UQCRC1: variants seen among roughly 807,000 people sequenced by gnomAD.
The protein encoded by UQCRC1 is ubiquinol-cytochrome c reductase core protein 1.
In UQCRC1, 34 loss-of-function variants were observed where a neutral mutation model predicts 58.0. The ratio of observed to expected loss-of-function variants is 0.59; its 90% CI spans 0.45 to 0.78. UQCRC1 has a LOEUF of 0.78. UQCRC1 is among the 30% of genes least tolerant of loss of function. UQCRC1 has a pLI of 0.00. For missense variants in UQCRC1, 610 were observed against 646.0 expected, an observed-to-expected ratio of 0.94 and a Z score of 0.60; for synonymous variants, 276 against 248.8, an observed-to-expected ratio of 1.11 and a Z score of -1.03.
chr3:48,604,195 G>A (rs1415211179), intron 5 of UQCRC1, 38 bp downstream of exon 5: 1 of 1,607,104 alleles, frequency 6.2e-7, no homozygotes, highest in Non-Finnish European at 8.5e-7. Context: ...AGGCCAGAAT[G>A]GAGCAAGCAT....
Position 48,609,592 on chromosome 3 carries a change from G to C in UQCRC1, c.29C>G (p.Ala10Gly), listed in dbSNP as rs767043424. The C allele has an allele frequency of 1.3e-6, 2 of 1,571,206 alleles. No homozygotes were observed. Among genetic ancestry groups the C allele is most frequent in the South Asian group, 2.3e-5 (2 of 87,110 alleles). Residue 10 changes from alanine to glycine, a missense_variant, in exon 1 of 13, where the codon GCT (alanine) becomes GGT (glycine). Coordinates refer to ENST00000203407, the MANE Select transcript of UQCRC1 (RefSeq NM_003365.3). The stretch of plus-strand genomic sequence containing the variant: ...CAATAGCACTTGTGCCCCGGCGGTA[G>C]CGGCCCGACAGACCACGGACGCCGC... Reference protein sequence around the residue: MAASVVCRAATAGAQVLLRA... With the variant: MAASVVCRAGTAGAQVLLRA...
rs199789478 is a variant in UQCRC1 at position 48,609,532 on chromosome 3, C to T, written c.69+20G>A. 1.3e-6 allele frequency: 2 copies of T among 1,556,926 alleles called. No individual in the cohort carries two copies. The highest frequency in any genetic ancestry group is 3.7e-5 in the Admixed American group (2 of 54,524). ...CCCGAAGCCCTGTCCCGAAGCCCCG[C>T]GCTCTCGCCACCACCTCACCGAGCG... is the stretch of plus-strand genomic sequence containing the variant. On this transcript the variant is annotated intron_variant, in intron 1 of 12. Coordinates refer to ENST00000203407, the MANE Select transcript of UQCRC1 (RefSeq NM_003365.3).
rs1450968488 is a variant in UQCRC1, at chr3:48,609,293, G to A, written c.79C>T (p.Leu27=). 2 of 1,608,694 alleles carry A rather than the reference G, an allele frequency of 1.2e-6. No individual in the cohort carries two copies. Among genetic ancestry groups the A allele is most frequent in the East Asian group, 4.5e-5 (2 of 44,804 alleles). ...GTACTCCGCAAGGCTGGCGTCCGCA[G>A]CAGGGCCGGCTGTGGAAGGGAACAG... The part of the protein sequence containing the change: ...LLRARRSPAL[L]RTPALRSTAT... Residue 27 remains leucine, a synonymous_variant, in exon 2 of 13, where the codon CTG becomes TTG. Coordinates refer to ENST00000203407, the MANE Select transcript of UQCRC1 (RefSeq NM_003365.3).
At chr3:48,605,995 C>CAG in intron 2 of UQCRC1, 139 bp from the exon 3 acceptor site, 1 of 755,660 alleles carries the variant, frequency 1.3e-6, no homozygotes, top group Non-Finnish European at 2.1e-6. Context: ...CCCAGCAGGA[C>CAG]CCCTGTGCTT....
Position 48,604,484 on chromosome 3 carries a change from G to A in UQCRC1, c.428-53C>T, listed in dbSNP as rs41290696. 11,964 of 1,599,930 alleles carry A rather than the reference G, an allele frequency of 7.5e-3. 61 individuals carry two copies. Among genetic ancestry groups the A allele is most frequent in the Non-Finnish European group, 9.1e-3 (10,642 of 1,170,694 alleles). ...GCCAGGTGGACCACTGCAGACCAAC[G>A]ACAGCACAAAATCCCCAGGCCTGGC... On this transcript the variant is annotated intron_variant, in intron 4 of 12. Coordinates refer to ENST00000203407, the MANE Select transcript of UQCRC1 (RefSeq NM_003365.3).
At chr3:48,605,197 A>G (rs2046400222) in intron 3 of UQCRC1, among the ~76,000 whole-genome samples, 1 of 152,210 alleles carries the variant, frequency 6.6e-6, no homozygotes, top group African/African-American at 2.4e-5. Context: ...TTGTGAATAC[A>G]TGCTAGTGGC....
intron 12 of UQCRC1, 57 bp downstream of exon 12, chr3:48,599,578 A>T: frequency 6.3e-7 from 1 of 1,583,618 alleles, no homozygotes; most frequent in Non-Finnish European, 8.7e-7. Flanking sequence ...GTGGAAGGGG[A>T]GGCCAAGAGA....
At chr3:48,601,519 G>A in intron 6 of UQCRC1, 52 bp from the exon 7 acceptor site, 2 of 1,562,428 alleles carry the variant, frequency 1.3e-6, no homozygotes, top group Non-Finnish European at 8.8e-7. Context: ...AAGGCACAGG[G>A]TGGGGCGATT....
intron 3 of UQCRC1, 127 bp from the exon 4 acceptor site, chr3:48,604,907 C>A: frequency 7.5e-7 from 1 of 1,338,046 alleles, no homozygotes; most frequent in Admixed American, 2.2e-5. Flanking sequence ...ACTCTGGGGA[C>A]ACAGATCCCA....
At position 48,601,132 on chromosome 3, in the gene UQCRC1, T is replaced by G. The variant is rs756010041; in HGVS notation, c.823-14A>C. 6.3e-7 allele frequency: 1 copy of G among 1,590,444 alleles called. No homozygotes were observed. The highest frequency in any genetic ancestry group is 1.7e-5 in the Admixed American group (1 of 58,724). Reference sequence around the variant, plus strand: ...ACGGTGGCGGATCTGAAACAGTACATGACAAGGCTGAGGAACAGCCAGACT... The same window carrying G: ...ACGGTGGCGGATCTGAAACAGTACAGGACAAGGCTGAGGAACAGCCAGACT... On this transcript the variant is annotated splice_polypyrimidine_tract_variant and intron_variant, in intron 7 of 12. Coordinates refer to ENST00000203407, the MANE Select transcript of UQCRC1 (RefSeq NM_003365.3).
chr3:48,605,796 A>G lies in UQCRC1; in HGVS notation c.271T>C (p.Tyr91His). The G allele has an allele frequency of 1.2e-6, 2 of 1,614,024 alleles. No homozygotes were observed. The highest frequency in any genetic ancestry group is 1.7e-6 in the Non-Finnish European group (2 of 1,179,960). ...TTGAAAGCCAGATGCTCCAAAAAGT[A>G]GCCTGCCCCATTATTCTTCTCAGTC... ...FETEKNNGAG[Y>H]FLEHLAFKGT... is the part of the protein sequence containing the mutation. Residue 91 changes from tyrosine (Y) to histidine (H), a missense_variant, in exon 3 of 13, where the codon TAC becomes CAC. Coordinates refer to ENST00000203407, the MANE Select transcript of UQCRC1 (RefSeq NM_003365.3).
intron 1 of UQCRC1, 32 bp from the exon 2 acceptor site, chr3:48,609,334 C>G: frequency 6.3e-7 from 1 of 1,588,494 alleles, no homozygotes; most frequent in Non-Finnish European, 8.6e-7. Flanking sequence ...AGTGAGGACT[C>G]GGTCAGGGGA....
chr3:48,600,434 C>A, intron 10 of UQCRC1, 48 bp downstream of exon 10: 1 of 1,606,992 alleles, frequency 6.2e-7, no homozygotes, highest in South Asian at 1.1e-5. Flanking sequence ...TTGGTGCTGT[C>A]GCTGGCAAGA....
intron 5 of UQCRC1, 31 bp from the exon 6 acceptor site, chr3:48,603,674 C>T: frequency 6.3e-7 from 1 of 1,595,466 alleles, no homozygotes; most frequent in Non-Finnish European, 8.6e-7. Flanking sequence ...GTGTCAACAC[C>T]TCTACCACAC....
In UQCRC1 at chr3:48,599,055, G is replaced by T. The variant is rs2046335832; in HGVS notation, c.*73C>A. 1 of 1,563,292 alleles carries T rather than the reference G, an allele frequency of 6.4e-7. No homozygotes were observed. Among genetic ancestry groups the T allele is most frequent in the Non-Finnish European group, 8.8e-7 (1 of 1,140,484 alleles). Reference sequence around the variant, plus strand: ...ACCTGTGGCACAGGTTAGAGGAGCCGAAGTGCTGTGTTTGTGGTGGGGGGG... The same window carrying T: ...ACCTGTGGCACAGGTTAGAGGAGCCTAAGTGCTGTGTTTGTGGTGGGGGGG... On this transcript the variant is annotated 3_prime_UTR_variant, in exon 13 of 13. Transcript: ENST00000203407.
chr3:48,608,365 G>C lies in UQCRC1; in HGVS notation c.210+797C>G, dbSNP rs147394452. ...CATTTTACAATCTATAGTATCCTTTGATTAAAATTGGCAAGATTCTTGAGA... is the reference window on the plus strand; with the variant it reads ...CATTTTACAATCTATAGTATCCTTTCATTAAAATTGGCAAGATTCTTGAGA... On this transcript the variant is annotated intron_variant, in intron 2 of 12. Coordinates refer to ENST00000203407, the MANE Select transcript of UQCRC1 (RefSeq NM_003365.3). 1.5e-4 allele frequency among the ~76,000 whole-genome samples: 23 copies of C among 152,310 alleles called. No homozygotes were observed. In the East Asian group the frequency reaches 4.4e-3, roughly 29 times the overall value.
intron 6 of UQCRC1, 33 bp downstream of exon 6, chr3:48,603,531 A>G: frequency 6.2e-7 from 1 of 1,609,880 alleles, no homozygotes; most frequent in South Asian, 1.1e-5. Context: ...CTGGGACCCC[A>G]CTACCCAGGA....
chr3:48,607,320 C>T (rs890883713), intron 2 of UQCRC1, among the ~76,000 whole-genome samples: 17 of 152,124 alleles, frequency 1.1e-4, no homozygotes, highest in Admixed American at 5.9e-4. Flanking sequence ...GGATTACAGG[C>T]GTGAGCCACC....
chr3:48,599,346 A>T lies in UQCRC1; in HGVS notation c.1379-154T>A, dbSNP rs1415620410. Reference sequence around the variant, plus strand: ...AGAGAACATTCCCCCAGGGGTGCTGAGCCTGTCCCTTCATGTTCTGGCCCT... The same window carrying T: ...AGAGAACATTCCCCCAGGGGTGCTGTGCCTGTCCCTTCATGTTCTGGCCCT... On this transcript the variant is annotated intron_variant, in intron 12 of 12. Coordinates refer to ENST00000203407, the MANE Select transcript of UQCRC1 (RefSeq NM_003365.3). 23 of 911,250 alleles carry T rather than the reference A, an allele frequency of 2.5e-5. No homozygotes were observed. The Admixed American group carries it at 6.5e-4, about 26-fold the overall frequency. 56.4% of individuals were successfully genotyped at this position (911,250 alleles called of 1,614,324 possible). A position where few individuals can be genotyped will look rare whatever the true frequency, so the allele number is the denominator to read the frequency against.
Sources: allele counts gnomAD v4.1 joint callset (sites outside exome capture counted in the v4.1 genomes callset), GRCh38; gene constraint gnomAD v4.1.1; transcripts MANE v1.5; gene names NCBI Gene and HGNC (gene_info 2026-07-23, HGNC 2026-07-21).